The following UTRN variants were observed in gnomAD, a reference collection of about 807,000 sequenced individuals.
UTRN encodes dystrophin-related protein 1.
Under a neutral mutation model 463.9 loss-of-function variants are expected in UTRN, and 283 were observed. The ratio of observed to expected loss-of-function variants is 0.61; its 90% confidence interval spans 0.55 to 0.67. The LOEUF is 0.67. Among genes scored for constraint, UTRN ranks in the 30% least tolerant of loss-of-function variants. The pLI, the probability that UTRN is intolerant of heterozygous loss-of-function variation, is 0.00. For synonymous variants in UTRN, 1,442 were observed against 1,431.5 expected (o/e 1.01, Z -0.17); for missense variants, 3,922 against 4,084.3 (o/e 0.96, Z 1.08).
At chr6:144,597,147 A>T (rs1803736381) in intron 51 of UTRN, among the ~76,000 whole-genome samples, 1 of 151,388 alleles carries the variant, frequency 6.6e-6, no homozygotes, top group Non-Finnish European at 1.5e-5. Context: ...CTGAGGCAGG[A>T]GAATTGCTTG....
At chr6:144,468,414 T>G (rs985080520) in intron 23 of UTRN, among the ~76,000 whole-genome samples, 1 of 152,220 alleles carries the variant, frequency 6.6e-6, no homozygotes, top group African/African-American at 2.4e-5. Flanking sequence ...AATACTGTAT[T>G]CGTAATTTTA....
chr6:144,436,909 ATATAT>A (rs1786610906), intron 10 of UTRN, among the ~76,000 whole-genome samples: 1 of 144,348 alleles, frequency 6.9e-6, no homozygotes, highest in Admixed American at 7.0e-5. Flanking sequence ...TAATCTATTT[ATATAT>A]TATATATGTA....
At chr6:144,479,115 T>G (rs944016681) in intron 25 of UTRN, among the ~76,000 whole-genome samples, 3 of 105,988 alleles carry the variant, frequency 2.8e-5, no homozygotes, top group East Asian at 2.8e-4. Context: ...CTTCTAGGGG[T>G]TTTTTTTTTT....
chr6:144,580,651 C>G (rs1192963754), intron 51 of UTRN, among the ~76,000 whole-genome samples: 3 of 152,144 alleles, frequency 2.0e-5, no homozygotes, highest in Non-Finnish European at 4.4e-5. Flanking sequence ...TCTTTGGAGC[C>G]CTGCAGGAGA....
intron 3 of UTRN, among the ~76,000 whole-genome samples, chr6:144,403,541 A>G (rs1783110205): frequency 6.6e-6 from 1 of 152,154 alleles, no homozygotes; most frequent in South Asian, 2.1e-4. Context: ...TGCCTGGTTA[A>G]AACCAAATGT....
intron 2 of UTRN, among the ~76,000 whole-genome samples, chr6:144,400,336 T>C (rs990818816): frequency 2.0e-5 from 3 of 152,202 alleles, no homozygotes; most frequent in African/African-American, 7.2e-5. Context: ...ATAATGAAGA[T>C]TGAAATAATT....
At chr6:144,668,760 C>A (rs1207830748) in intron 51 of UTRN, among the ~76,000 whole-genome samples, 9 of 152,090 alleles carry the variant, frequency 5.9e-5, no homozygotes, top group Non-Finnish European at 4.4e-5. Context: ...AAAGGCCCCA[C>A]CTCCTAATAC....
intron 53 of UTRN, among the ~76,000 whole-genome samples, chr6:144,719,913 A>AT (rs1277770105): frequency 6.6e-6 from 1 of 152,244 alleles, no homozygotes; most frequent in Non-Finnish European, 1.5e-5. Flanking sequence ...CAATTTGGAT[A>AT]ATGGCTTTAG....
At chr6:144,681,341 A>G (rs141928356) in intron 52 of UTRN, among the ~76,000 whole-genome samples, 1 of 152,164 alleles carries the variant, frequency 6.6e-6, no homozygotes, top group East Asian at 1.9e-4. Flanking sequence ...AAGAAACTCT[A>G]ATACATAAGG....
At chr6:144,778,970 T>G (rs1775579072) in intron 60 of UTRN, among the ~76,000 whole-genome samples, 2 of 152,210 alleles carry the variant, frequency 1.3e-5, no homozygotes, top group African/African-American at 4.8e-5. Context: ...TACGCTTGAC[T>G]TAGGCACTAA....
At position 144,840,764 on chromosome 6, in the gene UTRN, C is replaced by T. The variant is rs565108957; in HGVS notation, c.10202C>T (p.Pro3401Leu). ...GCGGGAGAGGACCTGCTGGCCCCAC[C>T]GCACGACACCAGCACGGATCTCACG... is the stretch of plus-strand genomic sequence containing the variant. ...QAAGEDLLAP[P>L]HDTSTDLTEV... The change falls in exon 73 of 75, where the codon CCG becomes CTG. Residue 3401 changes from proline to leucine, a missense_variant. By Grantham distance (98) the Pro-to-Leu change is moderately conservative. This residue lies in a region of UTRN where 1,309 missense variants were observed against 1,452.6 expected (regional missense o/e 0.90). Coordinates refer to ENST00000367545, the MANE Select transcript of UTRN (RefSeq NM_007124.3). The T allele has an allele frequency of 1.2e-5, 19 of 1,613,952 alleles. No homozygotes were observed. The highest frequency in any genetic ancestry group is 4.0e-5 in the African/African-American group (3 of 75,020).
intron 2 of UTRN, among the ~76,000 whole-genome samples, chr6:144,312,607 A>G (rs1207926387): frequency 6.6e-6 from 1 of 152,154 alleles, no homozygotes; most frequent in African/African-American, 2.4e-5. Flanking sequence ...TATATACAGA[A>G]TTTCCCTTTT....
intron 35 of UTRN, among the ~76,000 whole-genome samples, chr6:144,511,850 C>G (rs1370870033): frequency 6.6e-6 from 1 of 152,008 alleles, no homozygotes; most frequent in East Asian, 1.9e-4. Flanking sequence ...TATGGCCACC[C>G]CACCCTCCCC....
At chr6:144,546,924 A>T (rs1285833353) in intron 46 of UTRN, among the ~76,000 whole-genome samples, 2 of 152,400 alleles carry the variant, frequency 1.3e-5, no homozygotes, top group East Asian at 3.9e-4. Flanking sequence ...GTCTAGTTTA[A>T]TAGAACACAG....
At chr6:144,615,255 A>C (rs982236514) in intron 51 of UTRN, among the ~76,000 whole-genome samples, 5 of 152,182 alleles carry the variant, frequency 3.3e-5, no homozygotes, top group South Asian at 2.1e-4. Context: ...GCAGCTTCCT[A>C]GAAGTCATTT....
Position 144,458,969 on chromosome 6 carries a change from A to C in UTRN, c.2484A>C (p.Glu828Asp). The change falls in exon 20 of 75, where the codon GAA becomes GAC. Residue 828 changes from glutamate (E) to aspartate (D), a missense_variant. By Grantham distance (45) the Glu-to-Asp change is conservative (BLOSUM62 2). Around this residue, in one of 3 missense-constraint regions of UTRN, gnomAD observed 2,349 missense variants for 2,303.8 expected, o/e 1.02. Coordinates refer to ENST00000367545, the MANE Select transcript of UTRN (RefSeq NM_007124.3). ...GGGTAAAACACACTTCCATTTCTGA[A>C]TCTTCCCGGCAGTCCTTGCCAAGCT... ...EEWVKHTSIS[E>D]SSRQSLPSLK... 6.2e-7 allele frequency: 1 copy of C among 1,612,066 alleles called. No homozygotes were observed.
In UTRN at chr6:144,789,744, A is replaced by G. The variant is rs75619405; in HGVS notation, c.8920+465A>G. The stretch of plus-strand genomic sequence containing the variant: ...TACTTCCAATGCTTAAAAGAAAAAG[A>G]TGAACTAGAACCTTTACAGTCATAG... On this transcript the variant is annotated intron_variant, in intron 62 of 74. Transcript: ENST00000367545. 1.6e-3 allele frequency among the ~76,000 whole-genome samples: 243 copies of G among 152,342 alleles called. 3 individuals carry two copies. In the East Asian group the frequency reaches 0.039, roughly 24 times the overall value.
chr6:144,678,161 T>C (rs1002451397), intron 51 of UTRN, among the ~76,000 whole-genome samples: 1 of 152,138 alleles, frequency 6.6e-6, no homozygotes, highest in Non-Finnish European at 1.5e-5. Flanking sequence ...AAAATGACTT[T>C]AAATTTCATA....
At position 144,852,331 on chromosome 6, in the gene UTRN, GTTAC is replaced by G. The variant is rs1199870669; in HGVS notation, c.*1338_*1341del. 2.0e-5 allele frequency: 3 copies of G among 152,012 alleles called. No homozygotes were observed. Among genetic ancestry groups the G allele is most frequent in the Admixed American group, 6.6e-5 (1 of 15,240 alleles). The allele number at this position is 152,012 out of a possible 1,614,324, so 9.4% of individuals were successfully genotyped here. ...CATTTAATTGATTCAGTTTAAACATGTTACTTAATTAGCAAATGTAGAGGAACCA... is the reference window on the plus strand; with the variant it reads ...CATTTAATTGATTCAGTTTAAACATGTTAATTAGCAAATGTAGAGGAACCA... On this transcript the variant is annotated 3_prime_UTR_variant, in exon 75 of 75. Coordinates refer to ENST00000367545, the MANE Select transcript of UTRN (RefSeq NM_007124.3).
Sources: allele counts gnomAD v4.1 joint callset (sites outside exome capture counted in the v4.1 genomes callset), GRCh38; gene constraint gnomAD v4.1.1; regional missense constraint gnomAD v4.1.1; transcripts MANE v1.5; gene names NCBI Gene and HGNC (gene_info 2026-07-23, HGNC 2026-07-21).